HS6ST2: variants seen among roughly 807,000 people sequenced by gnomAD.
HS6ST2 encodes heparan sulfate 6-O-sulfotransferase 2.
A neutral mutation model predicts 33.0 loss-of-function variants in HS6ST2; 17 were observed. That is an observed-to-expected ratio of 0.52 (90% CI 0.35 to 0.77). The LOEUF (loss-of-function observed/expected upper bound fraction) is 0.77. HS6ST2 is among the 30% of genes least tolerant of loss of function. HS6ST2 has a pLI of 0.01. For synonymous variants in HS6ST2, 248 were observed against 237.1 expected (o/e 1.05, Z -0.42); for missense variants, 519 against 551.7 (o/e 0.94, Z 0.59).
intron 2 of HS6ST2, among the ~76,000 whole-genome samples, chrX:132,754,837 G>A (rs140451311): frequency 0.011 from 1,255 of 110,679 alleles, 8 homozygotes; most frequent in Non-Finnish European, 0.019. Context: ...TCAGCCTCAA[G>A]AGTAGCTGGG....
intron 3 of HS6ST2, among the ~76,000 whole-genome samples, chrX:132,696,925 A>G (rs1231922148): frequency 8.9e-6 from 1 of 111,976 alleles, no homozygotes; most frequent in Non-Finnish European, 1.9e-5. Context: ...AATACTGCAC[A>G]TATTTCCCCA....
chrX:132,954,761 C>A (rs945627594), intron 2 of HS6ST2, among the ~76,000 whole-genome samples: 3 of 112,301 alleles, frequency 2.7e-5, no homozygotes, highest in Non-Finnish European at 5.6e-5. Context: ...TTTGATTAGA[C>A]TAGATGCTAC....
intron 2 of HS6ST2, among the ~76,000 whole-genome samples, chrX:132,714,614 C>T (rs748501182): frequency 2.7e-5 from 3 of 111,599 alleles, no homozygotes; most frequent in East Asian, 2.8e-4. Flanking sequence ...CCACCGTGCC[C>T]GGCCAATAAC....
At chrX:132,920,097 G>A (rs868108016) in intron 2 of HS6ST2, among the ~76,000 whole-genome samples, 2 of 111,411 alleles carry the variant, frequency 1.8e-5, no homozygotes, top group Admixed American at 1.9e-4. Context: ...ACGGTGGGGG[G>A]CTGGCTGAAG....
At chrX:132,779,691 C>T (rs2065001304) in intron 2 of HS6ST2, among the ~76,000 whole-genome samples, 1 of 109,136 alleles carries the variant, frequency 9.2e-6, no homozygotes, top group African/African-American at 3.5e-5. Context: ...ACGTCCAGAA[C>T]ACATAATAAT....
At chrX:132,800,008 G>A (rs1382662484) in intron 2 of HS6ST2, among the ~76,000 whole-genome samples, 3 of 112,200 alleles carry the variant, frequency 2.7e-5, no homozygotes, top group Non-Finnish European at 5.6e-5. Flanking sequence ...GAGGTGAGAT[G>A]CAAGGAAGGA....
At chrX:132,939,621 AAAAC>A (rs752053310) in intron 2 of HS6ST2, among the ~76,000 whole-genome samples, 1 of 111,832 alleles carries the variant, frequency 8.9e-6, no homozygotes, top group Non-Finnish European at 1.9e-5. Context: ...ACTCCGTTGC[AAAAC>A]AAACAAACAA....
chrX:132,957,768 C>T (rs945991699), intron 1 of HS6ST2, among the ~76,000 whole-genome samples: 3 of 111,674 alleles, frequency 2.7e-5, no homozygotes. Context: ...CCGGACTCTC[C>T]GGGCTCTTCT....
chrX:132,719,082 G>A (rs1285471979), intron 2 of HS6ST2, among the ~76,000 whole-genome samples: 1 of 111,926 alleles, frequency 8.9e-6, no homozygotes, highest in Non-Finnish European at 1.9e-5. Context: ...TGGTAAGAAG[G>A]GCAATGTCGC....
At chrX:132,653,543 G>A (rs2063708947) in intron 4 of HS6ST2, among the ~76,000 whole-genome samples, 1 of 111,551 alleles carries the variant, frequency 9.0e-6, no homozygotes, top group South Asian at 3.8e-4. Context: ...AGTCAGCAAA[G>A]CCAGCCCCAT....
At chrX:132,766,323 T>C (rs2064848496) in intron 2 of HS6ST2, among the ~76,000 whole-genome samples, 1 of 112,338 alleles carries the variant, frequency 8.9e-6, no homozygotes, top group Admixed American at 9.5e-5. Flanking sequence ...AATGATATGA[T>C]TGATATCATA....
rs935016649 is a variant in HS6ST2 at position 132,928,507 on chromosome X, A to G, written c.947+28301T>C. 1.1e-4 allele frequency among the ~76,000 whole-genome samples: 10 copies of G among 90,626 alleles called. No individual in the cohort carries two copies. The Admixed American group carries it at 1.3e-3, about 12-fold the overall frequency. The allele number at this position is 90,626 out of a possible 115,157, so 78.7% of individuals were successfully genotyped here. ...AGGCATTCATGAGGGATCTGCCTCC[A>G]TGATCCAAATACCTCCCACCGGGCC... On this transcript the variant is annotated intron_variant, in intron 2 of 4. Coordinates refer to ENST00000370833, the MANE Select transcript of HS6ST2 (RefSeq NM_001394073.1).
intron 4 of HS6ST2, among the ~76,000 whole-genome samples, chrX:132,660,062 C>G (rs763805426): frequency 4.5e-5 from 5 of 111,004 alleles, no homozygotes; most frequent in Non-Finnish European, 7.6e-5. Context: ...TTCCTTATAC[C>G]TCTCCCCTGC....
At chrX:132,660,935 G>C (rs984783456) in intron 4 of HS6ST2, among the ~76,000 whole-genome samples, 7 of 111,892 alleles carry the variant, frequency 6.3e-5, no homozygotes, top group African/African-American at 2.3e-4. Context: ...AGGTGAAGGG[G>C]AAGCAAGGCA....
chrX:132,765,183 A>C (rs1044265803), intron 2 of HS6ST2, among the ~76,000 whole-genome samples: 2 of 112,318 alleles, frequency 1.8e-5, no homozygotes, highest in African/African-American at 6.5e-5. Context: ...TCTCACTAGA[A>C]TTTGTTGCAG....
At chrX:132,799,604 A>G (rs1461703269) in intron 2 of HS6ST2, among the ~76,000 whole-genome samples, 1 of 108,818 alleles carries the variant, frequency 9.2e-6, no homozygotes, top group African/African-American at 3.4e-5. Context: ...CTGGTCTCAA[A>G]CTCCTGGGAT....
chrX:132,920,358 T>A (rs760671004), intron 2 of HS6ST2, among the ~76,000 whole-genome samples: 1 of 110,505 alleles, frequency 9.0e-6, no homozygotes, highest in African/African-American at 3.3e-5. Context: ...ACAGGTACAG[T>A]ATCATCGATG....
At chrX:132,637,389 C>A (rs1436867731) in intron 4 of HS6ST2, among the ~76,000 whole-genome samples, 1 of 110,562 alleles carries the variant, frequency 9.0e-6, no homozygotes, top group East Asian at 2.8e-4. Context: ...CGGATGCAAG[C>A]CCTATCTTCT....
At chrX:132,679,744 A>G (rs1189037010) in intron 3 of HS6ST2, among the ~76,000 whole-genome samples, 2 of 107,461 alleles carry the variant, frequency 1.9e-5, no homozygotes, top group Non-Finnish European at 3.8e-5. Flanking sequence ...ATAGAAGACA[A>G]CCACGCCTGG....
Sources: gnomAD v4.1 joint callset for allele counts (sites outside exome capture counted in the v4.1 genomes callset) on GRCh38, gnomAD v4.1.1 for gene constraint, MANE v1.5 for transcripts, NCBI Gene and HGNC (gene_info 2026-07-23, HGNC 2026-07-21) for gene names.